Variants in SNX25 observed in about 807,000 individuals in gnomAD.
SNX25 encodes the protein sorting nexin-25.
SNX25 carries 62 observed loss-of-function variants against 113.7 expected under a neutral mutation model. The observed-to-expected ratio is 0.55, with a 90% CI of 0.44 to 0.67. The LOEUF is 0.67. SNX25 is among the 30% of genes least tolerant of loss of function. The pLI is 0.00. For synonymous variants in SNX25, 421 were observed against 436.2 expected (o/e 0.97, Z 0.43); for missense variants, 1,014 against 1,161.0 (o/e 0.87, Z 1.84).
At chr4:185,278,913 T>C (rs1464661297) in intron 5 of SNX25, among the ~76,000 whole-genome samples, 1 of 152,154 alleles carries the variant, frequency 6.6e-6, no homozygotes, top group Non-Finnish European at 1.5e-5. Flanking sequence ...CAAAAATGTT[T>C]GGCGTTTTTG....
chr4:185,342,661 TCA>T (rs1245393957), intron 12 of SNX25, among the ~76,000 whole-genome samples: 1 of 150,486 alleles, frequency 6.6e-6, no homozygotes, highest in South Asian at 2.1e-4. Context: ...GAGGATTCTG[TCA>T]CATACACAAG....
chr4:185,286,547 G>T (rs931797264), intron 5 of SNX25, among the ~76,000 whole-genome samples: 1 of 152,214 alleles, frequency 6.6e-6, no homozygotes, highest in African/African-American at 2.4e-5. Flanking sequence ...GCTGCTTTTA[G>T]CCTGCTTTCC....
At chr4:185,280,420 G>A (rs911969160) in intron 5 of SNX25, among the ~76,000 whole-genome samples, 1 of 152,114 alleles carries the variant, frequency 6.6e-6, no homozygotes, top group African/African-American at 2.4e-5. Flanking sequence ...CATAAACCCA[G>A]TTTTATAAAA....
intron 6 of SNX25, among the ~76,000 whole-genome samples, chr4:185,299,516 A>T (rs1201820175): frequency 6.6e-6 from 1 of 152,126 alleles, no homozygotes; most frequent in Non-Finnish European, 1.5e-5. Context: ...TGCATTACCG[A>T]CTGGTTCCCT....
chr4:185,270,170 G>C (rs1460731319), intron 5 of SNX25, among the ~76,000 whole-genome samples: 1 of 151,564 alleles, frequency 6.6e-6, no homozygotes, highest in East Asian at 1.9e-4. Context: ...CGGGGAACAT[G>C]GCGAAACCCC....
At chr4:185,265,220 A>C (rs2126542348) in intron 4 of SNX25, among the ~76,000 whole-genome samples, 1 of 152,356 alleles carries the variant, frequency 6.6e-6, no homozygotes, top group South Asian at 2.1e-4. Context: ...ATTGCTTAAC[A>C]ACAGGGATGT....
At chr4:185,310,498 A>G (rs912674273) in intron 6 of SNX25, 137 bp from the exon 7 acceptor site, 15 of 565,128 alleles carry the variant, frequency 2.7e-5, no homozygotes, top group Non-Finnish European at 3.3e-5. Context: ...TGTATTTATC[A>G]TGGATTCTGT....
chr4:185,372,406 G>A (rs2095418994), downstream of SNX25, among the ~76,000 whole-genome samples: 1 of 152,192 alleles, frequency 6.6e-6, no homozygotes, highest in African/African-American at 2.4e-5. Flanking sequence ...TAAAAGTTTA[G>A]TGCTAAGTTG....
chr4:185,220,681 C>T (rs962074585), intron 1 of SNX25, among the ~76,000 whole-genome samples: 3 of 152,030 alleles, frequency 2.0e-5, no homozygotes, highest in Middle Eastern at 3.4e-3. Flanking sequence ...GGGGTTTCAC[C>T]ATGTTAGCCA....
intron 1 of SNX25, among the ~76,000 whole-genome samples, chr4:185,212,176 C>T (rs1010519188): frequency 6.6e-6 from 1 of 152,010 alleles, no homozygotes; most frequent in African/African-American, 2.4e-5. Context: ...ACAGGTTTCA[C>T]CATGTTGCCT....
chr4:185,243,111 G>C (rs1475546982), intron 1 of SNX25, among the ~76,000 whole-genome samples: 1 of 152,148 alleles, frequency 6.6e-6, no homozygotes, highest in Non-Finnish European at 1.5e-5. Flanking sequence ...ATAATAGGTA[G>C]GGGTTTTGCT....
chr4:185,269,256 T>G (rs559805659), intron 5 of SNX25, among the ~76,000 whole-genome samples: 1 of 152,068 alleles, frequency 6.6e-6, no homozygotes, highest in Non-Finnish European at 1.5e-5. Context: ...TCCCTAAAAC[T>G]GTACGTACAC....
intron 5 of SNX25, among the ~76,000 whole-genome samples, chr4:185,280,127 A>G (rs997193489): frequency 6.6e-6 from 1 of 152,168 alleles, no homozygotes; most frequent in Non-Finnish European, 1.5e-5. Flanking sequence ...ACGAGGTCTC[A>G]TTATGTTGCC....
chr4:185,231,562 T>C (rs978361298), intron 1 of SNX25, among the ~76,000 whole-genome samples: 1 of 151,818 alleles, frequency 6.6e-6, no homozygotes, highest in Non-Finnish European at 1.5e-5. Flanking sequence ...ATACAAAAAA[T>C]TAGCTGGGCT....
At chr4:185,303,915 C>T (rs572831567) in intron 6 of SNX25, among the ~76,000 whole-genome samples, 2 of 152,210 alleles carry the variant, frequency 1.3e-5, no homozygotes, top group Admixed American at 6.5e-5. Flanking sequence ...ACATACCAGC[C>T]TCAGGTTGAA....
At chr4:185,340,052 T>C (rs1052534349) in intron 11 of SNX25, among the ~76,000 whole-genome samples, 2 of 152,234 alleles carry the variant, frequency 1.3e-5, no homozygotes, top group South Asian at 2.1e-4. Flanking sequence ...AAGACGCTTA[T>C]AGGCGTTTAT....
intron 6 of SNX25, among the ~76,000 whole-genome samples, chr4:185,296,789 A>T (rs1047357709): frequency 6.6e-6 from 1 of 152,154 alleles, no homozygotes; most frequent in African/African-American, 2.4e-5. Flanking sequence ...TTGCTCGCAA[A>T]ATTTTCTTTT....
At chr4:185,226,377 T>C (rs1381044509) in intron 1 of SNX25, among the ~76,000 whole-genome samples, 1 of 152,206 alleles carries the variant, frequency 6.6e-6, no homozygotes, top group Non-Finnish European at 1.5e-5. Flanking sequence ...TGCTTTTAGG[T>C]ACACTGCAAA....
chr4:185,226,803 G>T (rs1461415130), intron 1 of SNX25, among the ~76,000 whole-genome samples: 1 of 152,190 alleles, frequency 6.6e-6, no homozygotes, highest in Non-Finnish European at 1.5e-5. Flanking sequence ...AATTAACATT[G>T]TAAGAAATCC....
Sources: gnomAD v4.1 joint callset for allele counts (sites outside exome capture counted in the v4.1 genomes callset) on GRCh38, gnomAD v4.1.1 for gene constraint, MANE v1.5 for transcripts, NCBI Gene and HGNC (gene_info 2026-07-23, HGNC 2026-07-21) for gene names.